NLRP12: variants seen among roughly 807,000 people sequenced by gnomAD.
The protein encoded by NLRP12 is NLR family pyrin domain containing 12, also known as NACHT, LRR and PYD domains-containing protein 12.
NLRP12 carries 108 observed loss-of-function variants against 91.2 expected under a neutral mutation model. That is an observed-to-expected ratio of 1.18 (90% CI 1.01 to 1.39). The LOEUF is 1.39. Ranked by LOEUF, NLRP12 falls within the 40% of genes most tolerant of loss-of-function variation. The pLI is 0.00. For synonymous variants in NLRP12, 613 were observed against 566.7 expected, an observed-to-expected ratio of 1.08 and a Z score of -1.16; for missense variants, 1,530 against 1,352.7, an observed-to-expected ratio of 1.13 and a Z score of -2.06.
At chr19:53,815,225 C>CT (rs59179749) in intron 1 of NLRP12, among the ~76,000 whole-genome samples, 3,136 of 96,864 alleles carry the variant, frequency 0.032, 186 homozygotes, top group African/African-American at 0.062. Flanking sequence ...TCCAATCAGT[C>CT]TTTTTTTTTT....
At chr19:53,796,133 T>C (rs2091754978) in intron 8 of NLRP12, 104 bp from the exon 9 acceptor site, 1 of 1,085,638 alleles carries the variant, frequency 9.2e-7, no homozygotes, top group Admixed American at 1.9e-5. Flanking sequence ...GTGGTGAGAT[T>C]TCTGTTCACT....
chr19:53,800,685 G>A (rs559901754), intron 7 of NLRP12, among the ~76,000 whole-genome samples: 10 of 151,674 alleles, frequency 6.6e-5, no homozygotes, highest in African/African-American at 9.7e-5. Flanking sequence ...CGGGTTCAAC[G>A]GATTCTCCTG....
Position 53,809,683 on chromosome 19 carries a change from C to T in NLRP12, c.1976G>A (p.Ser659Asn). The change falls in exon 3 of 10, where the codon AGC becomes AAC. Residue 659 changes from serine to asparagine, a missense_variant. Physicochemically the swap from Ser to Asn is conservative, Grantham distance 46. Coordinates refer to ENST00000324134, the MANE Select transcript of NLRP12 (RefSeq NM_144687.4). ...GCCATACAAGTGCAGCACCTGGGCG[C>T]TCCTGCAGCGCTTCAGACAGAACGA... is the stretch of plus-strand genomic sequence containing the variant. ...VSSFCLKRCR[S>N]AQVLHLYGAT... is the part of the protein sequence containing the mutation. 3 of 1,614,154 alleles carry T rather than the reference C, an allele frequency of 1.9e-6. No homozygotes were observed. Among genetic ancestry groups the T allele is most frequent in the Non-Finnish European group, 8.5e-7 (1 of 1,180,026 alleles).
At position 53,810,260 on chromosome 19, in the gene NLRP12, C is replaced by T; in HGVS notation, c.1399G>A (p.Asp467Asn). 6.2e-7 allele frequency: 1 copy of T among 1,614,130 alleles called. No homozygotes were observed. The highest frequency in any genetic ancestry group is 8.5e-7 in the Non-Finnish European group (1 of 1,180,038). ...NQRGLCSLAA[D>N]GLWNQKILFE... ...AGGATTTTCTGATTCCAGAGCCCATCTGCCGCCAAGGAGCACAACCCTCTC... is the reference window on the plus strand; with the variant it reads ...AGGATTTTCTGATTCCAGAGCCCATTTGCCGCCAAGGAGCACAACCCTCTC... The change falls in exon 3 of 10, where the codon GAT becomes AAT. Residue 467 changes from aspartate to asparagine, a missense_variant. Coordinates refer to ENST00000324134, the MANE Select transcript of NLRP12 (RefSeq NM_144687.4).
chr19:53,823,511 A>ATAT (rs376806458), intron 1 of NLRP12, among the ~76,000 whole-genome samples: 12,522 of 51,098 alleles, frequency 0.25, 2,049 homozygotes, highest in African/African-American at 0.34. Flanking sequence ...TAAAATATAT[A>ATAT]TTTAAAACAT....
intron 4 of NLRP12, among the ~76,000 whole-genome samples, chr19:53,806,679 CAAAAAAAAA>C (rs58275455): frequency 6.9e-5 from 3 of 43,380 alleles, no homozygotes; most frequent in Admixed American, 4.2e-4. Context: ...GACTCCGTCT[CAAAAAAAAA>C]AAAAAAAAAA....
rs1274216692 is a variant in NLRP12 at position 53,805,381 on chromosome 19, A to G, written c.2313T>C (p.Asn771=). 3.7e-6 allele frequency: 6 copies of G among 1,613,938 alleles called. No homozygotes were observed. The highest frequency in any genetic ancestry group is 5.1e-6 in the Non-Finnish European group (6 of 1,180,014). ...TGCCACTGAGATCCATCCTTGTCAA[A>G]TTCTTATTGGCTATGAGAGCTGCAG... ...DLSAALIANK[N]LTRMDLSGNG... Residue 771 remains asparagine, a synonymous_variant, in exon 5 of 10, where the codon AAT becomes AAC. Transcript: ENST00000324134.
chr19:53,815,734 G>T (rs1192937452), intron 1 of NLRP12, among the ~76,000 whole-genome samples: 7 of 151,974 alleles, frequency 4.6e-5, no homozygotes, highest in Non-Finnish European at 1.0e-4. Context: ...TCAGCCTCCT[G>T]AGTAGCTGGG....
chr19:53,824,115 G>C lies in NLRP12; in HGVS notation c.60C>G (p.Leu20=), dbSNP rs750274008. 2.5e-6 allele frequency: 4 copies of C among 1,613,914 alleles called. No homozygotes were observed. Among genetic ancestry groups the C allele is most frequent in the Non-Finnish European group, 3.4e-6 (4 of 1,180,024 alleles). Reference sequence around the variant, plus strand: ...TGAACTTCTTCAGTTCCACAGCCTCGAGTTCTTCCAAGTAGGTGGACAGGC... The same window carrying C: ...TGAACTTCTTCAGTTCCACAGCCTCCAGTTCTTCCAAGTAGGTGGACAGGC... ...LCRLSTYLEE[L]EAVELKKFKL... Residue 20 remains leucine, a synonymous_variant, in exon 1 of 10, where the codon CTC becomes CTG. Transcript: ENST00000324134.
At chr19:53,811,319 G>T in intron 2 of NLRP12, 31 bp from the exon 3 acceptor site, 8 of 1,612,956 alleles carry the variant, frequency 5.0e-6, no homozygotes, top group South Asian at 1.1e-5. Flanking sequence ...TTTTGTGGAA[G>T]ACTCATCAGC....
rs1396362997 is a variant in NLRP12 at position 53,809,690 on chromosome 19, A to G, written c.1969T>C (p.Cys657Arg). Residue 657 changes from cysteine (C) to arginine (R), a missense_variant, in exon 3 of 10, where the codon TGC becomes CGC. By Grantham distance (180) the Cys-to-Arg change is radical. Transcript: ENST00000324134. ...HMVSSFCLKRCRSAQVLHLYG... is the reference protein window; with the variant it reads ...HMVSSFCLKRRRSAQVLHLYG... ...AAGTGCAGCACCTGGGCGCTCCTGC[A>G]GCGCTTCAGACAGAACGAGGAGACC... The G allele has an allele frequency of 6.2e-7, 1 of 1,614,110 alleles. No homozygotes were observed. The highest frequency in any genetic ancestry group is 8.5e-7 in the Non-Finnish European group (1 of 1,180,012).
At chr19:53,819,198 T>C (rs765969096) in intron 1 of NLRP12, among the ~76,000 whole-genome samples, 7 of 152,012 alleles carry the variant, frequency 4.6e-5, no homozygotes, top group African/African-American at 1.2e-4. Flanking sequence ...CACTTCCATT[T>C]AGATATAATT....
chr19:53,805,510 A>C, intron 4 of NLRP12, 60 bp from the exon 5 acceptor site: 1 of 1,412,352 alleles, frequency 7.1e-7, no homozygotes, highest in Non-Finnish European at 9.5e-7. Context: ...TTTGTGGATT[A>C]TTTTCTTTTG....
chr19:53,805,696 T>G (rs547296944), intron 4 of NLRP12: 170 of 523,584 alleles, frequency 3.2e-4, no homozygotes, highest in Middle Eastern at 3.2e-3. Flanking sequence ...TTTGGTATTT[T>G]TAGTAGAGAT....
At position 53,817,156 on chromosome 19, in the gene NLRP12, T is replaced by C. The variant is rs1038005848; in HGVS notation, c.290-2168A>G. ...AATACAAAAAAAAATTAGCTGGGCA[T>C]GGTGGCAGGCACCTGTAGTCCCAGC... On this transcript the variant is annotated intron_variant, in intron 1 of 9. Transcript: ENST00000324134. Among the ~76,000 whole-genome samples the C allele has an allele frequency of 5.2e-4, 79 of 151,864 alleles. 1 individual carries two copies. Among genetic ancestry groups the C allele is most frequent in the Admixed American group, 3.7e-3 (57 of 15,232 alleles).
At chr19:53,821,402 C>T (rs973402539) in intron 1 of NLRP12, among the ~76,000 whole-genome samples, 1 of 151,692 alleles carries the variant, frequency 6.6e-6, no homozygotes, top group Non-Finnish European at 1.5e-5. Flanking sequence ...GGCACGGTGG[C>T]TCACACCTGT....
At chr19:53,822,684 C>T (rs369791507) in intron 1 of NLRP12, among the ~76,000 whole-genome samples, 125 of 141,852 alleles carry the variant, frequency 8.8e-4, no homozygotes, top group African/African-American at 3.1e-3. Flanking sequence ...TTGCAGTGAG[C>T]GGAGATTGCG....
At chr19:53,816,798 T>C (rs1455525056) in intron 1 of NLRP12, among the ~76,000 whole-genome samples, 3 of 151,684 alleles carry the variant, frequency 2.0e-5, no homozygotes, top group Non-Finnish European at 4.4e-5. Flanking sequence ...TGCCTCGGCC[T>C]CCCAAAGTGC....
chr19:53,820,685 T>TA (rs1457926309), intron 1 of NLRP12, among the ~76,000 whole-genome samples: 1 of 119,396 alleles, frequency 8.4e-6, no homozygotes, highest in African/African-American at 3.1e-5. Flanking sequence ...CTCTAAAAAA[T>TA]AAATTATTTT....
Sources: gnomAD v4.1 joint callset for allele counts (sites outside exome capture counted in the v4.1 genomes callset) on GRCh38, gnomAD v4.1.1 for gene constraint, MANE v1.5 for transcripts, NCBI Gene and HGNC (gene_info 2026-07-23, HGNC 2026-07-21) for gene names.